The following ERC1 variants were observed in gnomAD, a reference collection of about 807,000 sequenced individuals.
The protein encoded by ERC1 is ELKS/RAB6-interacting/CAST family member 1.
ERC1 carries 56 observed loss-of-function variants against 132.0 expected under a neutral mutation model. That is an observed-to-expected ratio of 0.42 (90% CI 0.34 to 0.53). The LOEUF (loss-of-function observed/expected upper bound fraction) is 0.53, where lower values mean the gene tolerates loss of function less well. Among genes scored for constraint, ERC1 ranks in the 20% least tolerant of loss-of-function variants. The pLI, the probability that ERC1 is intolerant of heterozygous loss-of-function variation, is 0.03. For synonymous variants in ERC1, 478 were observed against 476.1 expected, an observed-to-expected ratio of 1.00 and a Z score of -0.05; for missense variants, 1,202 against 1,349.9, an observed-to-expected ratio of 0.89 and a Z score of 1.72.
intron 1 of ERC1, among the ~76,000 whole-genome samples, chr12:1,002,614 G>C (rs930544031): frequency 2.6e-5 from 4 of 152,108 alleles, no homozygotes; most frequent in Admixed American, 2.6e-4. Flanking sequence ...TTCCTTCTTT[G>C]TGGTTCTACA....
At chr12:1,169,163 C>T (rs931667635) in intron 8 of ERC1, among the ~76,000 whole-genome samples, 1 of 152,150 alleles carries the variant, frequency 6.6e-6, no homozygotes, top group African/African-American at 2.4e-5. Flanking sequence ...TATAATTTAA[C>T]TAGAAAGAGT....
At chr12:1,203,391 A>G (rs1308166397) in intron 12 of ERC1, among the ~76,000 whole-genome samples, 1 of 152,140 alleles carries the variant, frequency 6.6e-6, no homozygotes, top group Non-Finnish European at 1.5e-5. Context: ...TCTGCCACTC[A>G]GGCACCATGT....
At chr12:1,347,700 A>G (rs755106552) in intron 15 of ERC1, among the ~76,000 whole-genome samples, 1 of 152,296 alleles carries the variant, frequency 6.6e-6, no homozygotes, top group Non-Finnish European at 1.5e-5. Context: ...AAATGAACAC[A>G]AGGCTGGGCA....
At chr12:1,252,625 T>A (rs1185591331) in intron 13 of ERC1, among the ~76,000 whole-genome samples, 1 of 152,222 alleles carries the variant, frequency 6.6e-6, no homozygotes, top group East Asian at 1.9e-4. Context: ...TGTTTTGACT[T>A]TGGTTTTTAA....
chr12:1,260,474 A>G (rs374886089), intron 13 of ERC1, among the ~76,000 whole-genome samples: 18 of 152,320 alleles, frequency 1.2e-4, no homozygotes, highest in Admixed American at 3.3e-4. Flanking sequence ...GTGATTATAA[A>G]TATTACCTAG....
At chr12:1,050,096 G>T (rs944667370) in intron 2 of ERC1, among the ~76,000 whole-genome samples, 1 of 152,170 alleles carries the variant, frequency 6.6e-6, no homozygotes, top group Admixed American at 6.5e-5. Context: ...GCAAATGGAT[G>T]TGGGACAAGA....
intron 15 of ERC1, among the ~76,000 whole-genome samples, chr12:1,313,947 G>A (rs949720931): frequency 6.6e-6 from 1 of 152,228 alleles, no homozygotes; most frequent in Non-Finnish European, 1.5e-5. Flanking sequence ...TCACACCATT[G>A]CACTTCAGCC....
At chr12:1,110,057 G>A (rs1032753064) in intron 4 of ERC1, 135 bp from the exon 5 acceptor site, 1 of 700,552 alleles carries the variant, frequency 1.4e-6, no homozygotes, top group South Asian at 2.4e-5. Flanking sequence ...AGGAAGCAAG[G>A]CACCAATTGC....
intron 15 of ERC1, among the ~76,000 whole-genome samples, chr12:1,369,103 TA>T (rs1298523483): frequency 1.3e-5 from 2 of 152,214 alleles, no homozygotes; most frequent in Non-Finnish European, 2.9e-5. Context: ...TTGAATTGCA[TA>T]AAAAATACTT....
At chr12:1,108,733 A>G (rs769260241) in intron 4 of ERC1, among the ~76,000 whole-genome samples, 3 of 152,192 alleles carry the variant, frequency 2.0e-5, no homozygotes, top group African/African-American at 2.4e-5. Context: ...ATTCAGTACA[A>G]TGGATTTTGA....
chr12:1,264,932 G>A (rs2077384247), intron 14 of ERC1, among the ~76,000 whole-genome samples: 1 of 152,156 alleles, frequency 6.6e-6, no homozygotes, highest in Non-Finnish European at 1.5e-5. Context: ...ATAGCTGTGT[G>A]AGATAGAAAG....
At position 1,493,980 on chromosome 12, in the gene ERC1, G is replaced by C. The variant is rs1272985655; in HGVS notation, c.*3750G>C. On this transcript the variant is annotated 3_prime_UTR_variant, in exon 19 of 19. Coordinates refer to ENST00000360905, the MANE Select transcript of ERC1 (RefSeq NM_178040.4). ...CGCCCATCCACTGGCATTTGGATTTGCTGCCAGAGTCCTGTTCCTCCCAGA... is the reference window on the plus strand; with the variant it reads ...CGCCCATCCACTGGCATTTGGATTTCCTGCCAGAGTCCTGTTCCTCCCAGA... The C allele has an allele frequency of 8.6e-6, 2 of 232,286 alleles. No individual in the cohort carries two copies. Among genetic ancestry groups the C allele is most frequent in the Non-Finnish European group, 1.7e-5 (2 of 117,576 alleles). 14.4% of individuals were successfully genotyped at this position (232,286 alleles called of 1,614,324 possible).
chr12:1,082,253 C>T (rs1256323090), intron 2 of ERC1, among the ~76,000 whole-genome samples: 2 of 151,890 alleles, frequency 1.3e-5, no homozygotes, highest in Non-Finnish European at 2.9e-5. Flanking sequence ...GTCTTGAACT[C>T]CTGACCTCGT....
chr12:1,097,274 T>C (rs928948690), intron 3 of ERC1, among the ~76,000 whole-genome samples: 1 of 152,206 alleles, frequency 6.6e-6, no homozygotes, highest in Non-Finnish European at 1.5e-5. Flanking sequence ...CACAAGGTGA[T>C]TGAGTATCTG....
At chr12:1,004,387 C>CT (rs1263848278) in intron 1 of ERC1, among the ~76,000 whole-genome samples, 5 of 140,156 alleles carry the variant, frequency 3.6e-5, no homozygotes, top group Non-Finnish European at 6.2e-5. Flanking sequence ...AAATTTCTTT[C>CT]TTTTTTTCTT....
At chr12:1,362,437 T>A (rs1179521393) in intron 15 of ERC1, among the ~76,000 whole-genome samples, 1 of 151,734 alleles carries the variant, frequency 6.6e-6, no homozygotes, top group African/African-American at 2.4e-5. Context: ...GAGCTCTGTC[T>A]CTCTCTCTCT....
chr12:1,124,270 A>G (rs1947903159), intron 7 of ERC1, among the ~76,000 whole-genome samples: 1 of 152,232 alleles, frequency 6.6e-6, no homozygotes. Flanking sequence ...TCAAAGTCAC[A>G]TGACTTTGCA....
chr12:1,176,272 G>T (rs143863777), intron 8 of ERC1, among the ~76,000 whole-genome samples: 5 of 152,268 alleles, frequency 3.3e-5, no homozygotes, highest in African/African-American at 9.6e-5. Context: ...AGAGCTCTAG[G>T]GTGACCAGAT....
intron 15 of ERC1, among the ~76,000 whole-genome samples, chr12:1,307,051 G>A (rs918472413): frequency 6.6e-6 from 1 of 152,160 alleles, no homozygotes; most frequent in Non-Finnish European, 1.5e-5. Context: ...TGACACGTCA[G>A]TGTTCATTTG....
Sources: allele counts gnomAD v4.1 joint callset (sites outside exome capture counted in the v4.1 genomes callset), GRCh38; gene constraint gnomAD v4.1.1; transcripts MANE v1.5; gene names NCBI Gene and HGNC (gene_info 2026-07-23, HGNC 2026-07-21).